The following OSTC variants were observed in gnomAD, a reference collection of about 807,000 sequenced individuals.
OSTC encodes the protein oligosaccharyltransferase complex subunit OSTC.
Under a neutral mutation model 16.4 loss-of-function variants are expected in OSTC, and 16 were observed. The observed-to-expected ratio is 0.98, with a 90% CI of 0.66 to 1.49. The LOEUF (loss-of-function observed/expected upper bound fraction) is 1.49. OSTC is among the 40% of genes most tolerant of loss of function. OSTC has a pLI of 0.00. For synonymous variants in OSTC, 67 were observed against 68.5 expected (o/e 0.98, Z 0.11); for missense variants, 139 against 186.3 (o/e 0.75, Z 1.48).
At chr4:108,657,281 T>C (rs563595857) in intron 2 of OSTC, among the ~76,000 whole-genome samples, 169 bp from the exon 3 acceptor site, 3 of 152,282 alleles carry the variant, frequency 2.0e-5, no homozygotes, top group African/African-American at 4.8e-5. Context: ...TCAATAAATA[T>C]CTGTTGAATG....
intron 1 of OSTC, chr4:108,651,372 G>A (rs578122483): frequency 1.3e-5 from 2 of 152,742 alleles, no homozygotes; most frequent in African/African-American, 4.8e-5. Context: ...GAAATCACAG[G>A]TTTGATAAAT....
intron 3 of OSTC, among the ~76,000 whole-genome samples, chr4:108,658,421 A>C (rs1489051890): frequency 1.5e-5 from 1 of 68,710 alleles, no homozygotes; most frequent in Non-Finnish European, 2.8e-5. Flanking sequence ...GGATATTTAT[A>C]TATTTGTGTG....
chr4:108,663,478 C>T (rs1413080111), intron 3 of OSTC, among the ~76,000 whole-genome samples: 3 of 152,244 alleles, frequency 2.0e-5, no homozygotes, highest in South Asian at 2.1e-4. Flanking sequence ...GCTAGGATTA[C>T]AGGCGTGAGC....
At chr4:108,657,760 C>A in intron 3 of OSTC, 113 bp downstream of exon 3, 1 of 938,440 alleles carries the variant, frequency 1.1e-6, no homozygotes, top group Non-Finnish European at 1.6e-6. Context: ...GGTGAAAAAT[C>A]CAGAAACCAA....
intron 1 of OSTC, 100 bp from the exon 2 acceptor site, chr4:108,655,464 C>CT (rs945279826): frequency 1.9e-5 from 6 of 318,620 alleles, no homozygotes; most frequent in Non-Finnish European, 2.9e-5. Context: ...GAGACTCTGT[C>CT]TCAAAAAAAG....
chr4:108,653,194 C>T (rs1726601697), intron 1 of OSTC, among the ~76,000 whole-genome samples: 1 of 152,146 alleles, frequency 6.6e-6, no homozygotes, highest in Admixed American at 6.5e-5. Flanking sequence ...CACTGCACTC[C>T]AGCCAGGGTG....
chr4:108,667,469 T>C lies in OSTC; in HGVS notation c.*204T>C, dbSNP rs1163697391. On this transcript the variant is annotated 3_prime_UTR_variant, in exon 4 of 4. Coordinates refer to ENST00000361564, the MANE Select transcript of OSTC (RefSeq NM_021227.4). ...AAAGAGACAAGTTTATCACAGAATT[T>C]TTTTTCCTGCTGGCCTATTGCTATA... 2.3e-6 allele frequency: 1 copy of C among 435,116 alleles called. No homozygotes were observed. Among genetic ancestry groups the C allele is most frequent in the East Asian group, 3.5e-5 (1 of 28,660 alleles). 27.0% of individuals were successfully genotyped at this position (435,116 alleles called of 1,614,324 possible). A position where few individuals can be genotyped will look rare whatever the true frequency, so the allele number is the denominator to read the frequency against.
At chr4:108,658,020 C>T (rs1270567910) in intron 3 of OSTC, among the ~76,000 whole-genome samples, 3 of 150,170 alleles carry the variant, frequency 2.0e-5, no homozygotes, top group Non-Finnish European at 4.4e-5. Flanking sequence ...CAACCTCTGC[C>T]TCCCGGGCTC....
rs576121459 is a variant in OSTC, at chr4:108,651,323, CT to C, written c.139+533del. The C allele has an allele frequency of 7.0e-3, 1,086 of 154,274 alleles. 2 individuals carry two copies. Among genetic ancestry groups the C allele is most frequent in the Non-Finnish European group, 0.011 (771 of 69,164 alleles). The allele number at this position is 154,274 out of a possible 1,614,324, so 9.6% of individuals were successfully genotyped here. Reference sequence around the variant, plus strand: ...GCTCAAACCTAGGGTTCTGTGTTGCCTTTTGCATGACCTACAATAAATATCA... The same window carrying C: ...GCTCAAACCTAGGGTTCTGTGTTGCCTTTGCATGACCTACAATAAATATCA... On this transcript the variant is annotated intron_variant, in intron 1 of 3. Transcript: ENST00000361564.
At chr4:108,660,283 A>G (rs1314510245) in intron 3 of OSTC, among the ~76,000 whole-genome samples, 5 of 152,182 alleles carry the variant, frequency 3.3e-5, no homozygotes, top group Non-Finnish European at 7.3e-5. Flanking sequence ...TTGTAAATCT[A>G]GGATTTGAGT....
At chr4:108,656,422 T>C (rs1038576355) in intron 2 of OSTC, among the ~76,000 whole-genome samples, 1 of 151,412 alleles carries the variant, frequency 6.6e-6, no homozygotes, top group Middle Eastern at 3.2e-3. Flanking sequence ...ATTTTGAACT[T>C]GGTACATATA....
rs140417314 is a variant in OSTC, at chr4:108,653,276, A to G, written c.140-2288A>G. Among the ~76,000 whole-genome samples the G allele has an allele frequency of 2.4e-3, 365 of 152,336 alleles. 2 individuals carry two copies. Among genetic ancestry groups the G allele is most frequent in the Admixed American group, 0.016 (251 of 15,302 alleles). On this transcript the variant is annotated intron_variant, in intron 1 of 3. Transcript: ENST00000361564. ...AATGGTTATAAATACAGTGAAAGAA[A>G]AGAACAAGAGGTTTTTGAGAAACTA...
intron 1 of OSTC, among the ~76,000 whole-genome samples, chr4:108,652,764 C>T (rs969295907): frequency 7.9e-5 from 12 of 152,138 alleles, no homozygotes; most frequent in Non-Finnish European, 1.6e-4. Context: ...ACAGGCCAGG[C>T]GCAGTGGCTC....
chr4:108,651,303 A>G (rs1726535951), intron 1 of OSTC: 1 of 156,962 alleles, frequency 6.4e-6, no homozygotes, highest in Admixed American at 6.1e-5. Flanking sequence ...TGTTGGCTCA[A>G]ACCTAGGGTT....
At chr4:108,655,123 G>C (rs1166527536) in intron 1 of OSTC, among the ~76,000 whole-genome samples, 1 of 152,104 alleles carries the variant, frequency 6.6e-6, no homozygotes, top group Non-Finnish European at 1.5e-5. Flanking sequence ...TAGATGAGTT[G>C]GGCCACATTT....
Position 108,655,557 on chromosome 4 carries a change from C to A in OSTC, c.140-7C>A. ...CAATCTAATCTGTTCTGTTGTCTTT[C>A]TTATAGGAATAATTTATGATGTTAT... On this transcript the variant is annotated splice_region_variant and splice_polypyrimidine_tract_variant and intron_variant, in intron 1 of 3. Coordinates refer to ENST00000361564, the MANE Select transcript of OSTC (RefSeq NM_021227.4). 3.3e-6 allele frequency: 5 copies of A among 1,538,312 alleles called. No individual in the cohort carries two copies. The highest frequency in any genetic ancestry group is 3.6e-6 in the Non-Finnish European group (4 of 1,114,618).
rs369844114 is a variant in OSTC, at chr4:108,664,007, A to G, written c.432-3240A>G. 5.4e-4 allele frequency among the ~76,000 whole-genome samples: 83 copies of G among 152,320 alleles called. 2 individuals are homozygous for G. In the South Asian group the frequency reaches 0.014, roughly 25 times the overall value. On this transcript the variant is annotated intron_variant, in intron 3 of 3. Transcript: ENST00000361564. ...TTTCTGGGTCAAGAGAGGGGGCTAAATGATTGAGTATATATTATAGTAAGT... is the reference window on the plus strand; with the variant it reads ...TTTCTGGGTCAAGAGAGGGGGCTAAGTGATTGAGTATATATTATAGTAAGT...
At chr4:108,657,401 G>A (rs529800202) in intron 2 of OSTC, 49 bp from the exon 3 acceptor site, 2 of 1,499,882 alleles carry the variant, frequency 1.3e-6, no homozygotes, top group Non-Finnish European at 1.8e-6. Flanking sequence ...CAATTTAAGG[G>A]AAACATTTCT....
chr4:108,660,098 G>A (rs1329420298), intron 3 of OSTC, among the ~76,000 whole-genome samples: 1 of 152,164 alleles, frequency 6.6e-6, no homozygotes, highest in Admixed American at 6.5e-5. Flanking sequence ...AATCATTTAT[G>A]TGAACATTTG....
Sources: gnomAD v4.1 joint callset for allele counts (sites outside exome capture counted in the v4.1 genomes callset) on GRCh38, gnomAD v4.1.1 for gene constraint, MANE v1.5 for transcripts, NCBI Gene and HGNC (gene_info 2026-07-23, HGNC 2026-07-21) for gene names.